Variants in WDR27 observed in about 807,000 individuals in gnomAD.
The protein encoded by WDR27 is WD repeat-containing protein 27.
Under a neutral mutation model 114.4 loss-of-function variants are expected in WDR27, and 100 were observed. The observed-to-expected ratio is 0.87, with a 90% CI of 0.74 to 1.03. The LOEUF (loss-of-function observed/expected upper bound fraction) is 1.03, where lower values mean the gene tolerates loss of function less well. Ranked by LOEUF, WDR27 falls within the 50% of genes least tolerant of loss-of-function variation. The pLI, the probability that WDR27 is intolerant of heterozygous loss-of-function variation, is 0.00. For synonymous variants in WDR27, 449 were observed against 423.1 expected (o/e 1.06, Z -0.75); for missense variants, 1,129 against 1,092.9 (o/e 1.03, Z -0.47).
Position 169,698,844 on chromosome 6 carries a change from C to T in WDR27, c.-8+2707G>A, listed in dbSNP as rs561642987. 2.6e-5 allele frequency among the ~76,000 whole-genome samples: 4 copies of T among 152,344 alleles called. No homozygotes were observed. The South Asian group carries it at 8.3e-4, about 32-fold the overall frequency. On this transcript the variant is annotated intron_variant, in intron 1 of 25. Transcript: ENST00000448612. ...TGCTCCCACTAAAGGGTGATCAGGA[C>T]ACCAGGCTGGACTGTTGTGTAAGCA...
chr6:169,681,924 A>C (rs1781624766), intron 2 of WDR27, among the ~76,000 whole-genome samples: 1 of 151,894 alleles, frequency 6.6e-6, no homozygotes, highest in Non-Finnish European at 1.5e-5. Context: ...TGCCAACTAG[A>C]CCTCTCTAGT....
chr6:169,438,904 T>A, the WDR27 span, among the ~76,000 whole-genome samples: 1 of 152,234 alleles, frequency 6.6e-6, no homozygotes, highest in Non-Finnish European at 1.5e-5. Flanking sequence ...CTGAACTATG[T>A]AACTTTTTAT....
downstream of WDR27, among the ~76,000 whole-genome samples, chr6:169,454,046 T>C (rs1473976711): frequency 6.6e-6 from 1 of 152,128 alleles, no homozygotes; most frequent in African/African-American, 2.4e-5. Flanking sequence ...TAAAATTAAG[T>C]TGGGAACATA....
At chr6:169,578,435 G>T (rs576012633) in intron 24 of WDR27, among the ~76,000 whole-genome samples, 3 of 151,952 alleles carry the variant, frequency 2.0e-5, no homozygotes, top group East Asian at 1.9e-4. Context: ...TCTAGATTGG[G>T]TTTTTTTTCC....
At chr6:169,689,854 GCCCA>G (rs1392883974) in intron 1 of WDR27, among the ~76,000 whole-genome samples, 7 of 152,216 alleles carry the variant, frequency 4.6e-5, no homozygotes, top group African/African-American at 1.7e-4. Context: ...GTATTCAAAG[GCCCA>G]CCCATGAGGC....
At chr6:169,591,934 A>C (rs1170048213) in intron 23 of WDR27, among the ~76,000 whole-genome samples, 1 of 151,472 alleles carries the variant, frequency 6.6e-6, no homozygotes, top group Non-Finnish European at 1.5e-5. Flanking sequence ...CTCTCCACCC[A>C]GGGAGTTCTG....
At chr6:169,482,689 T>TA (rs1051392649) in intron 25 of WDR27, among the ~76,000 whole-genome samples, 3 of 152,178 alleles carry the variant, frequency 2.0e-5, no homozygotes, top group Non-Finnish European at 4.4e-5. Flanking sequence ...ACGGACCTGA[T>TA]AAGATATCTA....
intron 17 of WDR27, 128 bp downstream of exon 17, chr6:169,643,569 A>G (rs1819721645): frequency 1.4e-6 from 1 of 699,020 alleles, no homozygotes; most frequent in African/African-American, 1.8e-5. Flanking sequence ...TTAGACTCCA[A>G]TTCAAGCCAT....
intron 25 of WDR27, among the ~76,000 whole-genome samples, chr6:169,522,830 T>C (rs1794545441): frequency 6.6e-6 from 1 of 151,918 alleles, no homozygotes; most frequent in African/African-American, 2.4e-5. Flanking sequence ...GGGAAGTTTA[T>C]AGGAATAAAC....
chr6:169,504,283 G>C (rs1251643985), intron 25 of WDR27, among the ~76,000 whole-genome samples: 1 of 152,170 alleles, frequency 6.6e-6, no homozygotes, highest in African/African-American at 2.4e-5. Context: ...GATATGGTTT[G>C]GATCTGTGTC....
intron 25 of WDR27, among the ~76,000 whole-genome samples, chr6:169,524,998 G>A (rs1191684175): frequency 1.3e-5 from 2 of 151,982 alleles, no homozygotes; most frequent in African/African-American, 4.8e-5. Flanking sequence ...ACAACCCAGA[G>A]GATGGGAGAA....
At chr6:169,601,009 T>C (rs1007210436) in intron 23 of WDR27, among the ~76,000 whole-genome samples, 1 of 152,154 alleles carries the variant, frequency 6.6e-6, no homozygotes, top group Non-Finnish European at 1.5e-5. Context: ...AGACACATTA[T>C]TGTCAGATTC....
chr6:169,462,877 A>C (rs2115279835), intron 25 of WDR27, among the ~76,000 whole-genome samples: 1 of 152,358 alleles, frequency 6.6e-6, no homozygotes, highest in South Asian at 2.1e-4. Context: ...GATCATCTCA[A>C]TTTATGCAGA....
Position 169,673,043 on chromosome 6 carries a change from A to G in WDR27, c.190-647T>C, listed in dbSNP as rs7744127. Reference sequence around the variant, plus strand: ...GGAATGCATGAAACACTCAAGGGAAATCCAATAAAGACCTGGACTAAGAAA... The same window carrying G: ...GGAATGCATGAAACACTCAAGGGAAGTCCAATAAAGACCTGGACTAAGAAA... On this transcript the variant is annotated intron_variant, in intron 2 of 25. Transcript: ENST00000448612. Among the ~76,000 whole-genome samples, 1,283 of 152,256 alleles carry G rather than the reference A, an allele frequency of 8.4e-3. 22 individuals are homozygous for G. Among genetic ancestry groups the G allele is most frequent in the African/African-American group, 0.029 (1,208 of 41,526 alleles).
At chr6:169,462,479 G>GGA (rs568005305) in intron 25 of WDR27, among the ~76,000 whole-genome samples, 7 of 150,338 alleles carry the variant, frequency 4.7e-5, no homozygotes, top group Admixed American at 3.3e-4. Context: ...AGGAGAGGGG[G>GGA]GAGAGAGAGA....
intron 25 of WDR27, among the ~76,000 whole-genome samples, chr6:169,526,104 A>C (rs77157944): frequency 0.044 from 6,642 of 151,858 alleles, 405 homozygotes; most frequent in African/African-American, 0.14. Flanking sequence ...GAATGATGAG[A>C]AATCAATTAA....
chr6:169,558,950 C>A (rs1219314845), intron 25 of WDR27: 2 of 152,176 alleles, frequency 1.3e-5, no homozygotes, highest in Admixed American at 6.5e-5. Flanking sequence ...AATTCAGAAT[C>A]TTTTGTTTTA....
rs537136699 is a variant in WDR27, at chr6:169,657,442, G to A, written c.1402+834C>T. Among the ~76,000 whole-genome samples the A allele has an allele frequency of 5.9e-5, 9 of 152,334 alleles. No individual in the cohort carries two copies. The East Asian group carries it at 1.5e-3, about 26-fold the overall frequency. ...GCCCGGCCCGGGGAGAGGCCCAAGG[G>A]TGGGGTCGCCAGGTCGCTGGCCGGG... On this transcript the variant is annotated intron_variant, in intron 13 of 25. Coordinates refer to ENST00000448612, the MANE Select transcript of WDR27 (RefSeq NM_182552.5).
chr6:169,550,015 T>C (rs962850502), intron 25 of WDR27, among the ~76,000 whole-genome samples: 47 of 152,196 alleles, frequency 3.1e-4, no homozygotes, highest in Middle Eastern at 3.4e-3. Flanking sequence ...TGAATGCTGA[T>C]AAACTGTGGA....
Sources: allele counts gnomAD v4.1 joint callset (sites outside exome capture counted in the v4.1 genomes callset), GRCh38; gene constraint gnomAD v4.1.1; transcripts MANE v1.5; gene names NCBI Gene and HGNC (gene_info 2026-07-23, HGNC 2026-07-21).